DCC: variants seen among roughly 807,000 people sequenced by gnomAD.
DCC encodes the protein netrin receptor DCC.
Under a neutral mutation model 172.5 loss-of-function variants are expected in DCC, and 58 were observed. That is an observed-to-expected ratio of 0.34 (90% CI 0.27 to 0.42). The LOEUF is 0.42. Ranked by LOEUF, DCC falls within the 10% of genes least tolerant of loss-of-function variation. DCC has a pLI of 1.00. For synonymous variants in DCC, 709 were observed against 644.5 expected, an observed-to-expected ratio of 1.10 and a Z score of -1.52; for missense variants, 1,740 against 1,791.0, an observed-to-expected ratio of 0.97 and a Z score of 0.51.
chr18:53,323,538 A>G (rs994899858), intron 14 of DCC, among the ~76,000 whole-genome samples: 3 of 152,222 alleles, frequency 2.0e-5, no homozygotes, highest in Admixed American at 6.5e-5. Flanking sequence ...AATAGCAAAG[A>G]AAGACAGACA....
chr18:52,799,440 G>T (rs1038585491), intron 2 of DCC, among the ~76,000 whole-genome samples: 1 of 151,894 alleles, frequency 6.6e-6, no homozygotes, highest in Admixed American at 6.6e-5. Flanking sequence ...AAAATGAGAA[G>T]GTGAAAAAAA....
intron 1 of DCC, among the ~76,000 whole-genome samples, chr18:52,716,673 A>T (rs765086891): frequency 1.3e-5 from 2 of 152,198 alleles, no homozygotes; most frequent in Non-Finnish European, 2.9e-5. Flanking sequence ...ATAGGATTTT[A>T]TACTGGACTG....
At chr18:52,638,431 T>G (rs971895859) in intron 1 of DCC, among the ~76,000 whole-genome samples, 3 of 152,176 alleles carry the variant, frequency 2.0e-5, no homozygotes, top group Non-Finnish European at 4.4e-5. Flanking sequence ...ACTAACCATT[T>G]GCTGCCTTCA....
intron 7 of DCC, among the ~76,000 whole-genome samples, chr18:53,101,190 A>G (rs1476982437): frequency 2.0e-5 from 3 of 152,092 alleles, no homozygotes; most frequent in Non-Finnish European, 2.9e-5. Context: ...CAGGTGGCCC[A>G]AGGTCGATTG....
intron 24 of DCC, among the ~76,000 whole-genome samples, chr18:53,460,257 T>C (rs1035792264): frequency 7.1e-5 from 10 of 140,738 alleles, no homozygotes; most frequent in African/African-American, 2.6e-4. Flanking sequence ...AATGTGATTA[T>C]AGAATGAGGA....
At chr18:53,373,693 A>G (rs765031206) in intron 15 of DCC, among the ~76,000 whole-genome samples, 1 of 152,162 alleles carries the variant, frequency 6.6e-6, no homozygotes, top group African/African-American at 2.4e-5. Flanking sequence ...TCAGGTGTTC[A>G]TGAGTTGAGT....
rs1245053915 is a variant in DCC, at chr18:52,925,358, C to T, written c.973C>T (p.Leu325Phe). 1.4e-5 allele frequency: 23 copies of T among 1,612,176 alleles called. No individual in the cohort carries two copies. Among genetic ancestry groups the T allele is most frequent in the East Asian group, 2.2e-5 (1 of 44,804 alleles). Residue 325 changes from leucine (L) to phenylalanine (F), a missense_variant, in exon 5 of 29, where the codon CTC (leucine) becomes TTC (phenylalanine). This residue lies in a region of DCC where 1,732 missense variants were observed against 1,767.4 expected (regional missense o/e 0.98). Transcript: ENST00000442544. ...TGAGAATATTAGTGCCTCTGCAGAG[C>T]TCACAGTCTTGGGTAAGTTAGTGGC... Reference protein sequence around the residue: ...KNENISASAELTVLVPPWFLN... With the variant: ...KNENISASAEFTVLVPPWFLN...
chr18:53,490,205 T>C (rs1056648141), intron 26 of DCC, among the ~76,000 whole-genome samples: 4 of 149,488 alleles, frequency 2.7e-5, no homozygotes, highest in Non-Finnish European at 5.9e-5. Context: ...GTTCATAGAG[T>C]AATCTCTAGG....
intron 2 of DCC, chr18:52,892,483 C>T (rs975551001): frequency 6.6e-6 from 1 of 152,130 alleles, no homozygotes; most frequent in African/African-American, 2.4e-5. Context: ...GGATGATTTA[C>T]TATTCTCCAA....
chr18:52,642,014 G>GTATATATATATATATATA (rs1193018662), intron 1 of DCC, among the ~76,000 whole-genome samples: 2 of 34,504 alleles, frequency 5.8e-5, no homozygotes, highest in African/African-American at 1.7e-4. Flanking sequence ...GTGTGTGTGT[G>GTATATATATATATATATA]TATATATATA....
At chr18:53,132,501 T>G (rs1272013976) in intron 7 of DCC, among the ~76,000 whole-genome samples, 1 of 152,138 alleles carries the variant, frequency 6.6e-6, no homozygotes, top group African/African-American at 2.4e-5. Context: ...CTTCCAACCA[T>G]TGTTCTTTTT....
At chr18:52,822,737 G>A (rs2145275837) in intron 2 of DCC, among the ~76,000 whole-genome samples, 2 of 152,288 alleles carry the variant, frequency 1.3e-5, no homozygotes, top group East Asian at 3.9e-4. Context: ...TTAAGGTTGT[G>A]AAATTAAGGT....
At chr18:52,620,811 A>G (rs1598963381) in intron 1 of DCC, among the ~76,000 whole-genome samples, 1 of 152,160 alleles carries the variant, frequency 6.6e-6, no homozygotes. Flanking sequence ...CAGTACTATC[A>G]TAAGGAGCTA....
At chr18:53,413,348 G>A (rs549646631) in intron 20 of DCC, among the ~76,000 whole-genome samples, 8 of 152,218 alleles carry the variant, frequency 5.3e-5, no homozygotes, top group African/African-American at 1.2e-4. Flanking sequence ...AGTTCTAGTC[G>A]TCAAATTCTT....
rs1911859885 is a variant in DCC, at chr18:53,435,209, G to C, written c.3229G>C (p.Glu1077Gln). The change falls in exon 22 of 29, where the codon GAG becomes CAG. Residue 1077 changes from glutamate to glutamine, a missense_variant and splice_region_variant. Glu to Gln is a conservative substitution (Grantham distance 29). This residue lies in a region of DCC where 1,732 missense variants were observed against 1,767.4 expected (regional missense o/e 0.98). Coordinates refer to ENST00000442544, the MANE Select transcript of DCC (RefSeq NM_005215.4). ...TNLIDRSTLN[E>Q]PPIGQMHPPH... ...TTTGATTGATAGAAGCACCCTAAAT[G>C]GTAAGTATATAAATTAGGTAATATT... The C allele has an allele frequency of 2.6e-6, 4 of 1,566,838 alleles. No homozygotes were observed. The highest frequency in any genetic ancestry group is 3.5e-6 in the Non-Finnish European group (4 of 1,137,314).
chr18:53,527,561 G>T (rs1265715564), intron 28 of DCC, among the ~76,000 whole-genome samples: 1 of 151,746 alleles, frequency 6.6e-6, no homozygotes, highest in African/African-American at 2.4e-5. Context: ...AAAAGGAAAT[G>T]ACGTAATTAA....
chr18:52,985,560 C>T lies in DCC; in HGVS notation c.985+60190C>T, dbSNP rs1031563390. ...GTATGGGTCTTGCTGGCCACTTAAC[C>T]GCATAACAACCACTGTATTCTAATG... On this transcript the variant is annotated intron_variant, in intron 5 of 28. Transcript: ENST00000442544. Among the ~76,000 whole-genome samples the T allele has an allele frequency of 2.6e-5, 4 of 152,138 alleles. No individual in the cohort carries two copies. In the East Asian group the frequency reaches 7.7e-4, roughly 29 times the overall value.
rs188936277 is a variant in DCC, at chr18:52,849,750, A to G, written c.413-56294A>G. 2.2e-3 allele frequency among the ~76,000 whole-genome samples: 334 copies of G among 152,340 alleles called. 2 individuals carry two copies. Among genetic ancestry groups the G allele is most frequent in the African/African-American group, 7.6e-3 (318 of 41,586 alleles). The stretch of plus-strand genomic sequence containing the variant: ...CACAGAAAATCTAGCATACAATTTC[A>G]TAACAGACAAAGGAGCCAAAGGGAC... On this transcript the variant is annotated intron_variant, in intron 2 of 28. Coordinates refer to ENST00000442544, the MANE Select transcript of DCC (RefSeq NM_005215.4).
intron 5 of DCC, among the ~76,000 whole-genome samples, chr18:53,043,139 A>G (rs2042192384): frequency 6.6e-6 from 1 of 151,970 alleles, no homozygotes; most frequent in Non-Finnish European, 1.5e-5. Flanking sequence ...ATGCCTCCGT[A>G]AAAAAGAATG....
Sources: allele counts gnomAD v4.1 joint callset (sites outside exome capture counted in the v4.1 genomes callset), GRCh38; gene constraint gnomAD v4.1.1; regional missense constraint gnomAD v4.1.1; transcripts MANE v1.5; gene names NCBI Gene and HGNC (gene_info 2026-07-23, HGNC 2026-07-21).